FCGR2B: variants seen among roughly 807,000 people sequenced by gnomAD.
FCGR2B encodes low affinity immunoglobulin gamma Fc region receptor II-b.
FCGR2B carries 18 observed loss-of-function variants against 24.8 expected under a neutral mutation model. The observed-to-expected ratio is 0.73, with a 90% CI of 0.50 to 1.08. FCGR2B has a LOEUF of 1.08. Among genes scored for constraint, FCGR2B ranks in the 50% least tolerant of loss-of-function variants. FCGR2B has a pLI of 0.00. For synonymous variants in FCGR2B, 79 were observed against 109.8 expected, an observed-to-expected ratio of 0.72 and a Z score of 1.75; for missense variants, 215 against 297.6, an observed-to-expected ratio of 0.72 and a Z score of 2.04.
upstream of FCGR2B, among the ~76,000 whole-genome samples, chr1:161,659,247 G>GAAA (rs1680918862): frequency 2.5e-5 from 1 of 39,964 alleles, no homozygotes; most frequent in Non-Finnish European, 5.0e-5. Context: ...CCAACATGGT[G>GAAA]AAACCCCGTT....
At chr1:161,661,680 C>G (rs3820451), upstream of FCGR2B, among the ~76,000 whole-genome samples, 604 of 50,950 alleles carry the variant, frequency 0.012, 1 homozygote, top group East Asian at 0.033. Flanking sequence ...AGTGTGTTAC[C>G]TATATATTGT....
At chr1:161,652,990 A>G in the FCGR2B span, among the ~76,000 whole-genome samples, 2 of 134,488 alleles carry the variant, frequency 1.5e-5, no homozygotes, top group African/African-American at 5.1e-5. Context: ...CCTGCACCTC[A>G]GAGATTCTCT....
chr1:161,672,897 C>A, intron 3 of FCGR2B, 78 bp from the exon 4 acceptor site: 3 of 1,585,486 alleles, frequency 1.9e-6, no homozygotes, highest in African/African-American at 1.3e-5. Flanking sequence ...CACATCGTGT[C>A]CCACCAGTAA....
rs766292826 is a variant in FCGR2B at position 161,675,276 on chromosome 1, G to A, written c.780G>A (p.Glu260=). 10 of 1,606,602 alleles carry A rather than the reference G, an allele frequency of 6.2e-6. No homozygotes were observed. In the East Asian group the frequency reaches 2.0e-4, roughly 33 times the overall value. ...TCCCAGCTCTCCCAGGATACCCTGA[G>A]TGCAGGGAAATGGGAGAGACCCTCC... ...KRISALPGYP[E]CREMGETLPE... is the part of the protein sequence containing the mutation. Residue 260 remains glutamate (E), a synonymous_variant, in exon 6 of 8, where the codon GAG becomes GAA. Transcript: ENST00000358671.
intron 3 of FCGR2B, chr1:161,672,732 G>A (rs1056931878): frequency 4.1e-5 from 26 of 628,914 alleles, no homozygotes; most frequent in Non-Finnish European, 6.4e-5. Flanking sequence ...ATGTGCTAGG[G>A]GCTATTGTAG....
intron 3 of FCGR2B, 179 bp from the exon 4 acceptor site, chr1:161,672,796 G>T (rs569220399): frequency 1.4e-4 from 141 of 1,018,524 alleles, no homozygotes; most frequent in Admixed American, 7.2e-4. Context: ...AGGCTCAGAA[G>T]ACTTAAATTA....
intron 6 of FCGR2B, 45 bp from the exon 7 acceptor site, chr1:161,677,283 C>T: frequency 6.2e-7 from 1 of 1,602,776 alleles, no homozygotes; most frequent in African/African-American, 1.3e-5. Flanking sequence ...GGCAGGCCCT[C>T]TTCTCCAGCA....
intron 2 of FCGR2B, among the ~76,000 whole-genome samples, chr1:161,671,187 C>T (rs3754055): frequency 0.026 from 3,901 of 152,014 alleles, 50 homozygotes; most frequent in East Asian, 0.071. Flanking sequence ...TCCCTGTTGC[C>T]CTGTCGGAGT....
chr1:161,648,576 T>C, the FCGR2B span, among the ~76,000 whole-genome samples: 1 of 151,172 alleles, frequency 6.6e-6, no homozygotes. Context: ...ATCTTCTCAT[T>C]GATTTTTAAT....
rs12058663 is a variant in FCGR2B, at chr1:161,675,397, A to G, written c.817+84A>G. The G allele has an allele frequency of 1.5e-3, 1,472 of 995,962 alleles. 12 individuals are homozygous for G. Among genetic ancestry groups the G allele is most frequent in the African/African-American group, 0.013 (796 of 59,118 alleles). The allele number at this position is 995,962 out of a possible 1,614,324, so 61.7% of individuals were successfully genotyped here. A position where few individuals can be genotyped will look rare whatever the true frequency, so the allele number is the denominator to read the frequency against. Reference sequence around the variant, plus strand: ...GGAGCCAGGGAGAAGGGGCTTGTGCAAGTTCAGCTGGGAGCCAGGGAGGGA... The same window carrying G: ...GGAGCCAGGGAGAAGGGGCTTGTGCGAGTTCAGCTGGGAGCCAGGGAGGGA... On this transcript the variant is annotated intron_variant, in intron 6 of 7. Transcript: ENST00000358671.
At chr1:161,676,516 A>C (rs1682153628) in intron 6 of FCGR2B, 1 of 172,620 alleles carries the variant, frequency 5.8e-6, no homozygotes, top group African/African-American at 2.4e-5. Context: ...GTTTTTTAAA[A>C]ATCCTTTCCC....
the FCGR2B span, among the ~76,000 whole-genome samples, chr1:161,650,030 CAG>C: frequency 6.6e-6 from 1 of 150,490 alleles, no homozygotes; most frequent in Non-Finnish European, 1.5e-5. Context: ...ATTTTTTAGA[CAG>C]AGTCTCACTC....
chr1:161,676,578 A>G (rs2102680250), intron 6 of FCGR2B: 1 of 162,386 alleles, frequency 6.2e-6, no homozygotes, highest in East Asian at 1.4e-4. Context: ...TAGAATGGGA[A>G]TTCAGAATGC....
chr1:161,675,242 G>A lies in FCGR2B; in HGVS notation c.761-15G>A. 1 of 1,602,286 alleles carries A rather than the reference G, an allele frequency of 6.2e-7. No individual in the cohort carries two copies. The highest frequency in any genetic ancestry group is 8.5e-7 in the Non-Finnish European group (1 of 1,174,332). ...CACCGCCTAATCCTACTAACCTCCTGTGTGCCCCTCCCAGCTCTCCCAGGA... is the reference window on the plus strand; with the variant it reads ...CACCGCCTAATCCTACTAACCTCCTATGTGCCCCTCCCAGCTCTCCCAGGA... On this transcript the variant is annotated splice_polypyrimidine_tract_variant and intron_variant, in intron 5 of 7. Transcript: ENST00000358671.
In FCGR2B at chr1:161,677,999, C is replaced by A. The variant is rs1039567642; in HGVS notation, c.*446C>A. ...TAAAATTATTGATGATTTTTATTTT[C>A]TTTATTTTTCTATAAAGATCATATA... On this transcript the variant is annotated 3_prime_UTR_variant, in exon 8 of 8. Coordinates refer to ENST00000358671, the MANE Select transcript of FCGR2B (RefSeq NM_001394477.1). The A allele has an allele frequency of 4.5e-6, 1 of 220,246 alleles. No homozygotes were observed. The highest frequency in any genetic ancestry group is 6.7e-5 in the East Asian group (1 of 14,860). The allele number at this position is 220,246 out of a possible 1,614,324, so 13.6% of individuals were successfully genotyped here. A position where few individuals can be genotyped will look rare whatever the true frequency, so the allele number is the denominator to read the frequency against.
chr1:161,673,548 G>A (rs201899698), intron 4 of FCGR2B: 2 of 722,668 alleles, frequency 2.8e-6, no homozygotes, highest in Non-Finnish European at 5.1e-6. Flanking sequence ...TAAGAACTGA[G>A]GTTTGCCTTT....
chr1:161,671,366 T>C (rs531000103), intron 2 of FCGR2B, 26 bp from the exon 3 acceptor site: 135 of 1,614,010 alleles, frequency 8.4e-5, no homozygotes, highest in Admixed American at 6.0e-4. Context: ...CTCTTCTTCA[T>C]GCTACCTCCT....
chr1:161,655,114 G>A, the FCGR2B span, among the ~76,000 whole-genome samples: 1 of 148,874 alleles, frequency 6.7e-6, no homozygotes, highest in Non-Finnish European at 1.5e-5. Flanking sequence ...TGTTTTAAAA[G>A]TTATCATCAA....
At chr1:161,655,843 T>TTTTATTTATTTATTTA in the FCGR2B span, among the ~76,000 whole-genome samples, 46 of 55,572 alleles carry the variant, frequency 8.3e-4, no homozygotes, top group African/African-American at 1.3e-3. Context: ...TTTCCTCAAT[T>TTTTATTTATTTATTTA]TTTATTTATT....
Sources: allele counts gnomAD v4.1 joint callset (sites outside exome capture counted in the v4.1 genomes callset), GRCh38; gene constraint gnomAD v4.1.1; transcripts MANE v1.5; gene names NCBI Gene and HGNC (gene_info 2026-07-23, HGNC 2026-07-21).